Variants in PPP2R3B observed in about 807,000 individuals in gnomAD.
PPP2R3B encodes the protein protein phosphatase 2 regulatory subunit B''beta.
In PPP2R3B, 68 loss-of-function variants were observed where a neutral mutation model predicts 72.9. The observed-to-expected ratio is 0.93, with a 90% confidence interval of 0.77 to 1.14. The LOEUF (loss-of-function observed/expected upper bound fraction) is 1.14. PPP2R3B is among the 50% of genes most tolerant of loss of function. The probability of loss-of-function intolerance (pLI) is 0.00; values close to 1 mark genes in which losing one functional copy is unlikely to be tolerated. For synonymous variants in PPP2R3B, 466 were observed against 375.8 expected, an observed-to-expected ratio of 1.24 and a Z score of -2.78; for missense variants, 1,018 against 842.0, an observed-to-expected ratio of 1.21 and a Z score of -2.59.
chrX:347,542 G>A, intron 3 of PPP2R3B, 48 bp downstream of exon 3: 3 of 1,532,802 alleles, frequency 2.0e-6, no homozygotes, highest in Non-Finnish European at 2.7e-6. Context: ...GGGACCCGGG[G>A]ACGCCTCCGC....
In PPP2R3B at chrX:369,625, G is replaced by A. The variant is rs763020079; in HGVS notation, c.325-8035C>T. ...CCCGAGAACACAGGCCACGTGCACC[G>A]TGACACATCCTCTCGCGACACCAGC... On this transcript the variant is annotated intron_variant, in intron 1 of 12. Coordinates refer to ENST00000390665, the MANE Select transcript of PPP2R3B (RefSeq NM_013239.5). Among the ~76,000 whole-genome samples the A allele has an allele frequency of 4.6e-5, 7 of 152,340 alleles. No individual in the cohort carries two copies. The East Asian group carries it at 5.8e-4, about 13-fold the overall frequency.
At chrX:337,362 G>A (rs1275118561) in intron 12 of PPP2R3B, 1 of 152,210 alleles carries the variant, frequency 6.6e-6, no homozygotes, top group Non-Finnish European at 1.5e-5. Context: ...TGACAGGCGT[G>A]AGCCACCGCG....
At chrX:346,033 CGCGGTG>C in intron 6 of PPP2R3B, 135 bp downstream of exon 6, 1 of 531,454 alleles carries the variant, frequency 1.9e-6, no homozygotes, top group Non-Finnish European at 3.3e-6. Flanking sequence ...GGGCTGGGAG[CGCGGTG>C]GAGGTGGGGG....
In PPP2R3B at chrX:338,786, G is replaced by A. The variant is rs1391382676; in HGVS notation, c.1462C>T (p.Leu488=). The A allele has an allele frequency of 1.2e-6, 2 of 1,612,414 alleles. No homozygotes were observed. Among genetic ancestry groups the A allele is most frequent in the Admixed American group, 1.7e-5 (1 of 60,018 alleles). The change falls in exon 11 of 13, where the codon CTG becomes TTG. Residue 488 remains leucine, a synonymous_variant. Transcript: ENST00000390665. ...GTGCCCGCCGCACTCACCCTGAGCA[G>A]GGAGATCTGCTCTTTCTGCTCGTGG... ...LDHEQKEQIS[L]LRDGDSGGPE...
chrX:363,546 C>T (rs745554800), intron 1 of PPP2R3B, among the ~76,000 whole-genome samples: 2 of 139,346 alleles, frequency 1.4e-5, no homozygotes, highest in African/African-American at 2.7e-5. Flanking sequence ...CCCGAGCCCG[C>T]GATCCCGCAG....
At position 363,845 on chromosome X, in the gene PPP2R3B, C is replaced by T. The variant is rs117259118; in HGVS notation, c.325-2255G>A. ...TGCTATTTGGGGTACGGAACTGACC[C>T]CGCGAATATTCTGCAGTGAGCTCTC... On this transcript the variant is annotated intron_variant, in intron 1 of 12. Coordinates refer to ENST00000390665, the MANE Select transcript of PPP2R3B (RefSeq NM_013239.5). Among the ~76,000 whole-genome samples the T allele has an allele frequency of 4.8e-3, 726 of 152,350 alleles. 4 individuals are homozygous for T. Among genetic ancestry groups the T allele is most frequent in the African/African-American group, 0.017 (689 of 41,580 alleles).
chrX:369,910 A>G (rs2071819961), intron 1 of PPP2R3B, among the ~76,000 whole-genome samples: 1 of 152,100 alleles, frequency 6.6e-6, no homozygotes, highest in Non-Finnish European at 1.5e-5. Flanking sequence ...GTGGTATGGA[A>G]TCAGGGACGG....
chrX:376,191 C>CA (rs1471237162), intron 1 of PPP2R3B, among the ~76,000 whole-genome samples: 9 of 129,114 alleles, frequency 7.0e-5, no homozygotes, highest in Non-Finnish European at 1.1e-4. Context: ...GACTTCGTCT[C>CA]AAAAAGGAAA....
At chrX:361,821 G>A (rs1443550361) in intron 1 of PPP2R3B, among the ~76,000 whole-genome samples, 2 of 152,154 alleles carry the variant, frequency 1.3e-5, no homozygotes, top group Non-Finnish European at 2.9e-5. Context: ...CTGGGTGGCG[G>A]CTCTGCGCCA....
chrX:377,929 A>G (rs772633611), intron 1 of PPP2R3B, among the ~76,000 whole-genome samples: 2 of 127,268 alleles, frequency 1.6e-5, no homozygotes, highest in South Asian at 5.5e-4. Flanking sequence ...TGGGGCCACC[A>G]TGGGGCTGTC....
chrX:346,512 C>T (rs2071217823), intron 5 of PPP2R3B, 189 bp downstream of exon 5: 2 of 654,166 alleles, frequency 3.1e-6, no homozygotes, highest in Non-Finnish European at 5.1e-6. Flanking sequence ...GCGGCCACCC[C>T]GGAAAACCAG....
chrX:375,120 T>C (rs1464170219), intron 1 of PPP2R3B, among the ~76,000 whole-genome samples: 1 of 152,046 alleles, frequency 6.6e-6, no homozygotes, highest in Non-Finnish European at 1.5e-5. Flanking sequence ...CTTCCTTCTC[T>C]TCCACCTCCT....
At chrX:361,739 G>A (rs2071546224) in intron 1 of PPP2R3B, 149 bp from the exon 2 acceptor site, 1 of 817,490 alleles carries the variant, frequency 1.2e-6, no homozygotes, top group African/African-American at 1.7e-5. Context: ...CCCTGCGGGG[G>A]ACCACACACG....
intron 4 of PPP2R3B, among the ~76,000 whole-genome samples, chrX:346,991 G>A (rs1183286877): frequency 6.7e-6 from 1 of 150,184 alleles, no homozygotes; most frequent in African/African-American, 2.5e-5. Context: ...CGTGAGGTGT[G>A]CAGTGTAGAC....
chrX:384,710 T>G (rs1180017616), intron 1 of PPP2R3B, among the ~76,000 whole-genome samples: 1 of 151,758 alleles, frequency 6.6e-6, no homozygotes, highest in Admixed American at 6.6e-5. Context: ...CCAGGCCAGG[T>G]GTGGTGGCTC....
intron 1 of PPP2R3B, among the ~76,000 whole-genome samples, chrX:377,862 T>A (rs5987294): frequency 7.3e-5 from 4 of 54,842 alleles, no homozygotes. Flanking sequence ...ACCCAGTGGG[T>A]CCGCCGTGGG....
Position 334,167 on chromosome X carries a change from C to T in PPP2R3B, c.*200G>A. 1 of 541,454 alleles carries T rather than the reference C, an allele frequency of 1.8e-6. No individual in the cohort carries two copies. Among genetic ancestry groups the T allele is most frequent in the Non-Finnish European group, 2.9e-6 (1 of 340,796 alleles). 33.5% of individuals were successfully genotyped at this position (541,454 alleles called of 1,614,324 possible). A position where few individuals can be genotyped will look rare whatever the true frequency, so the allele number is the denominator to read the frequency against. On this transcript the variant is annotated 3_prime_UTR_variant, in exon 13 of 13. Coordinates refer to ENST00000390665, the MANE Select transcript of PPP2R3B (RefSeq NM_013239.5). ...GAACCCGTCCCATTCACGCGCGGCC[C>T]TACGTGTCCCCCTGGCACAGAGCTC...
intron 10 of PPP2R3B, 103 bp from the exon 11 acceptor site, chrX:338,999 A>T: frequency 1.1e-6 from 1 of 944,502 alleles, no homozygotes; most frequent in South Asian, 1.3e-5. Flanking sequence ...AGGACGCGGC[A>T]CGAAGCTCCG....
chrX:345,388 C>A, intron 7 of PPP2R3B, 128 bp downstream of exon 7: 2 of 1,297,952 alleles, frequency 1.5e-6, no homozygotes, highest in Non-Finnish European at 2.2e-6. Flanking sequence ...GCGGCGAGTG[C>A]GAAGGAGAGG....
Sources: gnomAD v4.1 joint callset for allele counts (sites outside exome capture counted in the v4.1 genomes callset) on GRCh38, gnomAD v4.1.1 for gene constraint, MANE v1.5 for transcripts, NCBI Gene and HGNC (gene_info 2026-07-23, HGNC 2026-07-21) for gene names.